MYO1E: variants seen among roughly 807,000 people sequenced by gnomAD.
MYO1E encodes the protein myosin IE.
MYO1E carries 68 observed loss-of-function variants against 151.1 expected under a neutral mutation model. The observed-to-expected ratio is 0.45, with a 90% CI of 0.37 to 0.55. The LOEUF (loss-of-function observed/expected upper bound fraction) is 0.55. Ranked by LOEUF, MYO1E falls within the 20% of genes least tolerant of loss-of-function variation. The pLI, the probability that MYO1E is intolerant of heterozygous loss-of-function variation, is 0.00. For synonymous variants in MYO1E, 601 were observed against 501.7 expected (o/e 1.20, Z -2.64); for missense variants, 1,363 against 1,389.3 (o/e 0.98, Z 0.30).
chr15:59,244,056 C>G (rs751561526), intron 4 of MYO1E, among the ~76,000 whole-genome samples: 3 of 152,198 alleles, frequency 2.0e-5, no homozygotes, highest in Non-Finnish European at 4.4e-5. Context: ...GTATAAAAGA[C>G]AAAAACAAAC....
rs552125593 is a variant in MYO1E, at chr15:59,189,824, C to T, written c.1806-1608G>A. The stretch of plus-strand genomic sequence containing the variant: ...ACTCCTGGCCTCAGGTGATCCACCA[C>T]GCCTGGCCCATCCTGGTTTCTTAAC... On this transcript the variant is annotated intron_variant, in intron 17 of 27. Coordinates refer to ENST00000288235, the MANE Select transcript of MYO1E (RefSeq NM_004998.4). Among the ~76,000 whole-genome samples the T allele has an allele frequency of 3.9e-5, 6 of 152,320 alleles. No individual in the cohort carries two copies. In the East Asian group the frequency reaches 5.8e-4, roughly 15 times the overall value.
intron 2 of MYO1E, among the ~76,000 whole-genome samples, chr15:59,262,558 T>G (rs114059509): frequency 0.011 from 1,603 of 151,108 alleles, 32 homozygotes; most frequent in African/African-American, 0.037. Context: ...AGGCCAGGAG[T>G]CGGAGGTTGC....
chr15:59,285,068 T>G (rs1236285407), intron 1 of MYO1E, among the ~76,000 whole-genome samples: 3 of 152,200 alleles, frequency 2.0e-5, no homozygotes, highest in African/African-American at 7.2e-5. Flanking sequence ...TGTTTTTAAG[T>G]GCAAAGCTCT....
At chr15:59,293,056 T>G (rs1342633325) in intron 1 of MYO1E, among the ~76,000 whole-genome samples, 2 of 152,006 alleles carry the variant, frequency 1.3e-5, no homozygotes, top group Non-Finnish European at 2.9e-5. Flanking sequence ...GTACCATTGG[T>G]CCAAACACCA....
intron 1 of MYO1E, among the ~76,000 whole-genome samples, chr15:59,274,069 G>A (rs570162339): frequency 1.8e-5 from 2 of 109,248 alleles, no homozygotes; most frequent in East Asian, 4.6e-4. Flanking sequence ...CTTTTTTTTC[G>A]ATGGGAAACA....
chr15:59,293,343 T>A (rs2080430705), intron 1 of MYO1E, among the ~76,000 whole-genome samples: 2 of 152,024 alleles, frequency 1.3e-5, no homozygotes, highest in African/African-American at 2.4e-5. Context: ...GTCAGGAGTT[T>A]GAGACCAGCC....
At chr15:59,218,867 A>C (rs1331235954) in intron 9 of MYO1E, among the ~76,000 whole-genome samples, 2 of 152,184 alleles carry the variant, frequency 1.3e-5, no homozygotes, top group African/African-American at 4.8e-5. Context: ...GAAGTGTGGG[A>C]GACATGATCA....
intron 1 of MYO1E, among the ~76,000 whole-genome samples, chr15:59,276,011 C>T (rs145561508): frequency 2.0e-5 from 3 of 152,306 alleles, no homozygotes; most frequent in African/African-American, 2.4e-5. Context: ...CACTATCCTA[C>T]GCTCTAGGGA....
At chr15:59,361,473 C>T (rs1231354352) in intron 1 of MYO1E, among the ~76,000 whole-genome samples, 2 of 152,090 alleles carry the variant, frequency 1.3e-5, no homozygotes, top group Non-Finnish European at 2.9e-5. Context: ...AATAACCTGA[C>T]ATAGATCCAA....
intron 4 of MYO1E, among the ~76,000 whole-genome samples, chr15:59,253,541 G>C (rs1195755732): frequency 1.3e-5 from 2 of 149,228 alleles, no homozygotes; most frequent in Non-Finnish European, 3.0e-5. Context: ...GAGTGCAGTG[G>C]CGCAATCTCA....
chr15:59,205,306 G>C (rs1278819303), intron 15 of MYO1E, 94 bp downstream of exon 15: 3 of 1,252,274 alleles, frequency 2.4e-6, no homozygotes, highest in African/African-American at 1.5e-5. Context: ...GGGACTATAG[G>C]AACACACCAC....
At chr15:59,304,915 T>C (rs1415101898) in intron 1 of MYO1E, among the ~76,000 whole-genome samples, 2 of 152,164 alleles carry the variant, frequency 1.3e-5, no homozygotes, top group Non-Finnish European at 2.9e-5. Context: ...CAGAAAAAAA[T>C]ATGAAGTGGC....
In MYO1E at chr15:59,272,246, A is replaced by G. The variant is rs114480224; in HGVS notation, c.147+60T>C. 5.5e-4 allele frequency: 883 copies of G among 1,592,842 alleles called. 3 individuals are homozygous for G. In the African/African-American group the frequency reaches 8.7e-3, roughly 16 times the overall value. On this transcript the variant is annotated intron_variant, in intron 2 of 27. Coordinates refer to ENST00000288235, the MANE Select transcript of MYO1E (RefSeq NM_004998.4). ...CCACTGCACCCAGCATAAAGCCACA[A>G]TTTAACTGTGGACACTGTAATATCA...
intron 14 of MYO1E, 152 bp downstream of exon 14, chr15:59,208,529 A>G: frequency 5.3e-6 from 5 of 942,312 alleles, no homozygotes; most frequent in Non-Finnish European, 6.7e-6. Flanking sequence ...AGTAGTATAT[A>G]CAATCTTTTG....
At chr15:59,206,039 G>A (rs1166570246) in intron 14 of MYO1E, among the ~76,000 whole-genome samples, 1 of 152,046 alleles carries the variant, frequency 6.6e-6, no homozygotes, top group Non-Finnish European at 1.5e-5. Flanking sequence ...GAGACCAGGG[G>A]ATTTCCATAG....
intron 26 of MYO1E, among the ~76,000 whole-genome samples, chr15:59,139,212 TA>T (rs1393983846): frequency 6.6e-6 from 1 of 151,574 alleles, no homozygotes; most frequent in African/African-American, 2.4e-5. Context: ...AGTTCATTAT[TA>T]CTCCTTAGAC....
At chr15:59,300,548 G>T (rs1381783525) in intron 1 of MYO1E, among the ~76,000 whole-genome samples, 1 of 152,194 alleles carries the variant, frequency 6.6e-6, no homozygotes, top group Non-Finnish European at 1.5e-5. Context: ...AAGAGGAAGT[G>T]AGTCTACCCA....
At position 59,272,860 on chromosome 15, in the gene MYO1E, C is replaced by T. The variant is rs141868489; in HGVS notation, c.4-411G>A. On this transcript the variant is annotated intron_variant, in intron 1 of 27. Transcript: ENST00000288235. ...AACCATACTGTTGTGTTGAATTTGT[C>T]GGTGAAAATAAGCAACGACATAGAA... Among the ~76,000 whole-genome samples, 62 of 152,240 alleles carry T rather than the reference C, an allele frequency of 4.1e-4. 1 individual carries two copies. The Middle Eastern group carries it at 0.02, about 50-fold the overall frequency.
rs182898021 is a variant in MYO1E, at chr15:59,224,343, G to A, written c.777+346C>T. Among the ~76,000 whole-genome samples, 9 of 152,280 alleles carry A rather than the reference G, an allele frequency of 5.9e-5. No homozygotes were observed. In the East Asian group the frequency reaches 1.4e-3, roughly 23 times the overall value. On this transcript the variant is annotated intron_variant, in intron 8 of 27. Transcript: ENST00000288235. Reference sequence around the variant, plus strand: ...AAACCTATTCAGTCCATAGACGTGCGGTTTGCTTAGCTTTTCTAAGGAAAT... The same window carrying A: ...AAACCTATTCAGTCCATAGACGTGCAGTTTGCTTAGCTTTTCTAAGGAAAT...
Sources: allele counts gnomAD v4.1 joint callset (sites outside exome capture counted in the v4.1 genomes callset), GRCh38; gene constraint gnomAD v4.1.1; transcripts MANE v1.5; gene names NCBI Gene and HGNC (gene_info 2026-07-23, HGNC 2026-07-21).